ANKS1B: variants seen among roughly 807,000 people sequenced by gnomAD.
The protein encoded by ANKS1B is ankyrin repeat and sterile alpha motif domain-containing protein 1B.
ANKS1B carries 36 observed loss-of-function variants against 148.3 expected under a neutral mutation model. That is an observed-to-expected ratio of 0.24 (90% CI 0.19 to 0.32). ANKS1B has a LOEUF of 0.32. Ranked by LOEUF, ANKS1B falls within the 10% of genes least tolerant of loss-of-function variation. The pLI is 1.00. For missense variants in ANKS1B, 1,157 were observed against 1,542.6 expected, an observed-to-expected ratio of 0.75 and a Z score of 4.19; for synonymous variants, 542 against 560.8, an observed-to-expected ratio of 0.97 and a Z score of 0.47.
intron 17 of ANKS1B, among the ~76,000 whole-genome samples, chr12:98,886,054 A>G (rs1051082195): frequency 1.3e-5 from 2 of 152,154 alleles, no homozygotes; most frequent in South Asian, 4.1e-4. Flanking sequence ...AGAGAGAGAG[A>G]GCAACAAAGT....
intron 17 of ANKS1B, among the ~76,000 whole-genome samples, chr12:98,933,699 G>C (rs187189742): frequency 1.3e-5 from 2 of 152,122 alleles, no homozygotes; most frequent in East Asian, 3.9e-4. Context: ...AGACAGGTGT[G>C]AGGTGAGCTC....
At chr12:99,358,965 A>C (rs911811956) in intron 12 of ANKS1B, among the ~76,000 whole-genome samples, 1 of 152,172 alleles carries the variant, frequency 6.6e-6, no homozygotes, top group African/African-American at 2.4e-5. Flanking sequence ...GAGAAAGAAA[A>C]GCTTGCCACA....
intron 12 of ANKS1B, chr12:99,341,309 G>A (rs2089880336): frequency 6.6e-6 from 1 of 152,104 alleles, no homozygotes; most frequent in African/African-American, 2.4e-5. Context: ...CTTTTGGAGT[G>A]CTAGAGAATC....
At chr12:99,711,125 A>G (rs2056576369) in intron 8 of ANKS1B, among the ~76,000 whole-genome samples, 1 of 152,122 alleles carries the variant, frequency 6.6e-6, no homozygotes, top group African/African-American at 2.4e-5. Context: ...GTCAACTAAG[A>G]ACAAAACTAA....
At chr12:99,925,075 A>T (rs1185173506) in intron 1 of ANKS1B, among the ~76,000 whole-genome samples, 2 of 152,148 alleles carry the variant, frequency 1.3e-5, no homozygotes, top group Admixed American at 1.3e-4. Flanking sequence ...CATGACAAAG[A>T]GTGCGAGGGT....
chr12:99,193,990 T>A (rs1490216744), intron 14 of ANKS1B, among the ~76,000 whole-genome samples: 1 of 151,612 alleles, frequency 6.6e-6, no homozygotes, highest in African/African-American at 2.4e-5. Flanking sequence ...TTAGTAGAGA[T>A]GGGGTTTCAT....
At position 99,084,906 on chromosome 12, in the gene ANKS1B, C is replaced by CA. The variant is rs1216875211; in HGVS notation, c.2625+18dup. ...CTGGGAACCGTACACAGGACTAGGG[C>CA]AATAAAAGTATTGCTCACCTTTGGA... On this transcript the variant is annotated intron_variant, in intron 16 of 26. Transcript: ENST00000683438. 2 of 1,587,424 alleles carry CA rather than the reference C, an allele frequency of 1.3e-6. No individual in the cohort carries two copies. The highest frequency in any genetic ancestry group is 1.7e-6 in the Non-Finnish European group (2 of 1,162,252).
chr12:99,090,859 T>C (rs1369014516), intron 15 of ANKS1B, among the ~76,000 whole-genome samples: 2 of 152,260 alleles, frequency 1.3e-5, no homozygotes, highest in East Asian at 3.9e-4. Flanking sequence ...TAGCTTATCA[T>C]ATAGAAACAC....
intron 17 of ANKS1B, among the ~76,000 whole-genome samples, chr12:98,967,440 C>G (rs2099879142): frequency 6.6e-6 from 1 of 151,868 alleles, no homozygotes; most frequent in Admixed American, 6.6e-5. Flanking sequence ...CATGTATCTT[C>G]CTGGGAAGGC....
intron 8 of ANKS1B, among the ~76,000 whole-genome samples, chr12:99,689,548 G>A (rs1232039262): frequency 6.6e-6 from 1 of 152,196 alleles, no homozygotes; most frequent in African/African-American, 2.4e-5. Flanking sequence ...AAGAAGTTAT[G>A]TAGATGTAAT....
chr12:98,971,712 G>A (rs1266968005), intron 17 of ANKS1B, among the ~76,000 whole-genome samples: 1 of 152,200 alleles, frequency 6.6e-6, no homozygotes, highest in East Asian at 1.9e-4. Context: ...CTAGGATCCA[G>A]AGGGAATGAG....
chr12:98,919,876 A>AG (rs1363068314), intron 17 of ANKS1B, among the ~76,000 whole-genome samples: 1 of 152,194 alleles, frequency 6.6e-6, no homozygotes, highest in African/African-American at 2.4e-5. Flanking sequence ...AGCAAAAGGC[A>AG]GGGGGATACT....
chr12:99,843,404 C>T (rs944218556), intron 1 of ANKS1B, among the ~76,000 whole-genome samples: 2 of 152,156 alleles, frequency 1.3e-5, no homozygotes, highest in African/African-American at 2.4e-5. Context: ...TGCTCTCCCT[C>T]CTCTCACCCC....
intron 12 of ANKS1B, among the ~76,000 whole-genome samples, chr12:99,352,582 A>AT (rs1216849765): frequency 6.6e-6 from 1 of 152,148 alleles, no homozygotes; most frequent in East Asian, 1.9e-4. Flanking sequence ...CCTTATTTGC[A>AT]TATCTCTTGT....
intron 15 of ANKS1B, among the ~76,000 whole-genome samples, chr12:99,096,606 C>T (rs536502406): frequency 6.6e-6 from 1 of 152,060 alleles, no homozygotes; most frequent in African/African-American, 2.4e-5. Flanking sequence ...CACTAATTGT[C>T]CTTGGGTTGT....
At chr12:99,591,698 G>A (rs551614187) in intron 9 of ANKS1B, among the ~76,000 whole-genome samples, 40 of 152,182 alleles carry the variant, frequency 2.6e-4, no homozygotes, top group Admixed American at 2.6e-3. Flanking sequence ...CAAGGGTAAG[G>A]AATAATTCTC....
At chr12:99,834,410 G>A (rs1457472561) in intron 1 of ANKS1B, among the ~76,000 whole-genome samples, 1 of 152,126 alleles carries the variant, frequency 6.6e-6, no homozygotes, top group African/African-American at 2.4e-5. Context: ...GAGAATTACT[G>A]CCCAAAATGA....
chr12:99,367,843 G>A (rs970385908), intron 12 of ANKS1B, among the ~76,000 whole-genome samples: 4 of 151,842 alleles, frequency 2.6e-5, no homozygotes, highest in South Asian at 2.1e-4. Flanking sequence ...ATAACATAGC[G>A]GATGAATGGG....
chr12:99,728,897 A>T (rs2058867744), intron 8 of ANKS1B, among the ~76,000 whole-genome samples: 1 of 152,230 alleles, frequency 6.6e-6, no homozygotes. Context: ...AGAAAACCAA[A>T]CACCGCATGT....
Sources: gnomAD v4.1 joint callset for allele counts (sites outside exome capture counted in the v4.1 genomes callset) on GRCh38, gnomAD v4.1.1 for gene constraint, MANE v1.5 for transcripts, NCBI Gene and HGNC (gene_info 2026-07-23, HGNC 2026-07-21) for gene names.